Variants in LRP1B observed in about 807,000 individuals in gnomAD.
LRP1B encodes LDL receptor related protein 1B.
Under a neutral mutation model 556.6 loss-of-function variants are expected in LRP1B, and 217 were observed. The ratio of observed to expected loss-of-function variants is 0.39; its 90% confidence interval spans 0.35 to 0.44. The LOEUF (loss-of-function observed/expected upper bound fraction) is 0.44, where lower values mean the gene tolerates loss of function less well. LRP1B is among the 20% of genes least tolerant of loss of function. The pLI is 1.00. For synonymous variants in LRP1B, 2,047 were observed against 1,865.8 expected, an observed-to-expected ratio of 1.10 and a Z score of -2.50; for missense variants, 5,053 against 5,620.8, an observed-to-expected ratio of 0.90 and a Z score of 3.23.
intron 7 of LRP1B, among the ~76,000 whole-genome samples, chr2:141,114,860 A>G (rs1218609636): frequency 6.7e-6 from 1 of 148,604 alleles, no homozygotes; most frequent in Non-Finnish European, 1.5e-5. Context: ...ACATGTCATG[A>G]AAACAGGCAT....
chr2:141,206,425 CA>C (rs535626408), intron 6 of LRP1B, among the ~76,000 whole-genome samples: 6 of 148,204 alleles, frequency 4.0e-5, no homozygotes, highest in East Asian at 4.0e-4. Flanking sequence ...ACTAAAAATG[CA>C]AAAAAAAAAT....
chr2:141,028,440 G>A (rs1056633084), intron 11 of LRP1B, among the ~76,000 whole-genome samples: 5 of 151,820 alleles, frequency 3.3e-5, no homozygotes, highest in African/African-American at 1.2e-4. Flanking sequence ...TAAGACGGGT[G>A]TATTATGTGT....
chr2:141,177,582 T>A (rs537384425), intron 7 of LRP1B, among the ~76,000 whole-genome samples: 73 of 152,254 alleles, frequency 4.8e-4, no homozygotes, highest in Admixed American at 1.2e-3. Flanking sequence ...AAGCACAATA[T>A]TAATAGTTGT....
intron 6 of LRP1B, among the ~76,000 whole-genome samples, chr2:141,213,560 C>A (rs574828744): frequency 5.9e-5 from 9 of 152,184 alleles, no homozygotes; most frequent in Admixed American, 5.9e-4. Flanking sequence ...AAAACCCACA[C>A]AGACATGAGA....
chr2:140,247,820 T>C (rs970291494), intron 86 of LRP1B, among the ~76,000 whole-genome samples: 1 of 151,660 alleles, frequency 6.6e-6, no homozygotes, highest in Admixed American at 6.6e-5. Context: ...AAAGCCATTA[T>C]TTAAACATAA....
At chr2:141,706,880 C>T (rs182375143) in intron 2 of LRP1B, among the ~76,000 whole-genome samples, 71 of 152,114 alleles carry the variant, frequency 4.7e-4, no homozygotes, top group African/African-American at 1.6e-3. Context: ...TTTGATTCTA[C>T]TCTACTGATA....
At chr2:140,276,140 C>T (rs1682661861) in intron 84 of LRP1B, among the ~76,000 whole-genome samples, 2 of 151,872 alleles carry the variant, frequency 1.3e-5, no homozygotes, top group African/African-American at 4.8e-5. Flanking sequence ...AGATAAAAAT[C>T]ACAATTTATA....
chr2:141,877,690 A>G (rs1698815925), intron 1 of LRP1B, among the ~76,000 whole-genome samples: 1 of 152,024 alleles, frequency 6.6e-6, no homozygotes, highest in African/African-American at 2.4e-5. Flanking sequence ...GCAGTCGGTA[A>G]TACTCAAACT....
chr2:140,463,371 T>C (rs1687403149), intron 60 of LRP1B, among the ~76,000 whole-genome samples: 1 of 152,228 alleles, frequency 6.6e-6, no homozygotes, highest in Non-Finnish European at 1.5e-5. Context: ...CTAATAATTA[T>C]GTATGTCTCC....
intron 2 of LRP1B, among the ~76,000 whole-genome samples, chr2:141,626,240 G>A (rs988034904): frequency 2.0e-5 from 3 of 152,142 alleles, no homozygotes; most frequent in Admixed American, 2.0e-4. Context: ...AACTGATGCT[G>A]GAACAATTGG....
At chr2:140,530,985 A>G (rs1690667368) in intron 47 of LRP1B, among the ~76,000 whole-genome samples, 1 of 152,122 alleles carries the variant, frequency 6.6e-6, no homozygotes, top group Non-Finnish European at 1.5e-5. Context: ...AATAAAATCT[A>G]TTTATATTTT....
intron 2 of LRP1B, among the ~76,000 whole-genome samples, chr2:141,753,284 C>A (rs867961726): frequency 5.5e-5 from 2 of 36,282 alleles, no homozygotes; most frequent in Non-Finnish European, 1.3e-4. Context: ...ATATATATAT[C>A]CCAGATGATT....
intron 1 of LRP1B, among the ~76,000 whole-genome samples, chr2:141,983,116 A>G (rs1481335440): frequency 3.3e-5 from 5 of 152,212 alleles, no homozygotes; most frequent in African/African-American, 9.6e-5. Context: ...GGAGAACCAC[A>G]GGAGATGTTT....
At chr2:142,046,097 A>G (rs1322857140) in intron 1 of LRP1B, among the ~76,000 whole-genome samples, 1 of 151,976 alleles carries the variant, frequency 6.6e-6, no homozygotes, top group African/African-American at 2.4e-5. Flanking sequence ...CAAAAAAAGT[A>G]CTAAATGACT....
intron 2 of LRP1B, among the ~76,000 whole-genome samples, chr2:141,553,126 TC>T (rs775455268): frequency 5.9e-5 from 9 of 151,838 alleles, no homozygotes; most frequent in Admixed American, 6.6e-5. Flanking sequence ...GTAGACTAAT[TC>T]CCAAAGACAA....
At chr2:140,784,725 A>G (rs1374943262) in intron 32 of LRP1B, among the ~76,000 whole-genome samples, 1 of 39,892 alleles carries the variant, frequency 2.5e-5, no homozygotes, top group Non-Finnish European at 8.3e-5. Flanking sequence ...TAATGAAGAA[A>G]AGGTAAAAAA....
At chr2:140,877,890 C>T (rs1388741066) in intron 25 of LRP1B, among the ~76,000 whole-genome samples, 1 of 152,188 alleles carries the variant, frequency 6.6e-6, no homozygotes, top group Non-Finnish European at 1.5e-5. Flanking sequence ...TATCCTCAAC[C>T]TTGGCCAAAT....
intron 3 of LRP1B, among the ~76,000 whole-genome samples, chr2:141,445,343 G>C (rs1427592601): frequency 1.3e-5 from 2 of 151,362 alleles, no homozygotes; most frequent in African/African-American, 4.8e-5. Flanking sequence ...TTTGGCTAGT[G>C]GTCTATTTTG....
chr2:140,743,463 C>G (rs186838880), intron 35 of LRP1B, among the ~76,000 whole-genome samples: 6 of 152,184 alleles, frequency 3.9e-5, no homozygotes, highest in African/African-American at 1.4e-4. Context: ...CCAAACCTGC[C>G]CTTTAGCAGC....
Sources: allele counts gnomAD v4.1 joint callset (sites outside exome capture counted in the v4.1 genomes callset), GRCh38; gene constraint gnomAD v4.1.1; transcripts MANE v1.5; gene names NCBI Gene and HGNC (gene_info 2026-07-23, HGNC 2026-07-21).